CTC1: variants seen among roughly 807,000 people sequenced by gnomAD.
CTC1 encodes CST telomere replication complex component 1, also known as CST complex subunit CTC1.
A neutral mutation model predicts 136.3 loss-of-function variants in CTC1; 91 were observed. That is an observed-to-expected ratio of 0.67 (90% confidence interval 0.56 to 0.79). CTC1 has a LOEUF of 0.79. Ranked by LOEUF, CTC1 falls within the 30% of genes least tolerant of loss-of-function variation. The pLI is 0.00. For synonymous variants in CTC1, 606 were observed against 613.8 expected, an observed-to-expected ratio of 0.99 and a Z score of 0.19; for missense variants, 1,432 against 1,498.1, an observed-to-expected ratio of 0.96 and a Z score of 0.73.
rs778249594 is a variant in CTC1, at chr17:8,228,573, G to A, written c.3444C>T (p.Ser1148=). 1.2e-6 allele frequency: 2 copies of A among 1,614,054 alleles called. No individual in the cohort carries two copies. Among genetic ancestry groups the A allele is most frequent in the Non-Finnish European group, 8.5e-7 (1 of 1,180,018 alleles). The change falls in exon 22 of 23, where the codon AGC becomes AGT. Residue 1148 remains serine (S), a synonymous_variant. Transcript: ENST00000651323. ...MTMFLWTLCT[S]PSVLRPIVLS... ...GCACAATAGGACGGAGGACAGAGGGGCTAGTACAAAGTGTCCAGAGGAACA... is the reference window on the plus strand; with the variant it reads ...GCACAATAGGACGGAGGACAGAGGGACTAGTACAAAGTGTCCAGAGGAACA...
Position 8,234,839 on chromosome 17 carries a change from A to AG in CTC1, c.1526dup (p.Thr510TyrfsTer18). ...CTGGCGGAGCTAGAAGATCCAGGGT[A>AG]GGAGCCAGGAGTTGCAGTCCCAGGC... is the stretch of plus-strand genomic sequence containing the variant. On this transcript the variant is annotated frameshift_variant, in exon 9 of 23. Transcript: ENST00000651323. LOFTEE classifies it high-confidence loss of function. 1 of 1,613,482 alleles carries AG rather than the reference A, an allele frequency of 6.2e-7. No individual in the cohort carries two copies. Among genetic ancestry groups the AG allele is most frequent in the Non-Finnish European group, 8.5e-7 (1 of 1,179,706 alleles).
At chr17:8,231,566 T>C (rs1987228991) in intron 14 of CTC1, 97 bp from the exon 15 acceptor site, 3 of 1,309,654 alleles carry the variant, frequency 2.3e-6, no homozygotes, top group Admixed American at 4.1e-5. Context: ...TTCTGGAGCA[T>C]GGAGAAGGAA....
At chr17:8,229,560 G>GT in intron 18 of CTC1, 114 bp from the exon 19 acceptor site, 1 of 866,708 alleles carries the variant, frequency 1.2e-6, no homozygotes, top group Non-Finnish European at 1.8e-6. Context: ...GGGGACAGCA[G>GT]TGGGTTCCAT....
At chr17:8,244,501 A>C (rs1011099629) in intron 1 of CTC1, among the ~76,000 whole-genome samples, 3 of 151,598 alleles carry the variant, frequency 2.0e-5, no homozygotes, top group Admixed American at 1.3e-4. Context: ...CTCATATATT[A>C]ACATCCTGGT....
At position 8,229,160 on chromosome 17, in the gene CTC1, A is replaced by T. The variant is rs1986990482; in HGVS notation, c.3203T>A (p.Ile1068Lys). ...LGSTCPTQTA[I>K]SQAIIRLLVE... ...CTCTCACCTGATGATGGCCTGGCTT[A>T]TAGCTGTCTGCGTAGGGCAAGTGGA... Residue 1068 changes from isoleucine (I) to lysine (K), a missense_variant, in exon 20 of 23, where the codon ATA becomes AAA. Physicochemically the swap from Ile to Lys is moderately radical, Grantham distance 102 (BLOSUM62 -3). Coordinates refer to ENST00000651323, the MANE Select transcript of CTC1 (RefSeq NM_025099.6). 3 of 1,614,046 alleles carry T rather than the reference A, an allele frequency of 1.9e-6. No homozygotes were observed. The highest frequency in any genetic ancestry group is 2.5e-6 in the Non-Finnish European group (3 of 1,180,038).
At position 8,236,151 on chromosome 17, in the gene CTC1, C is replaced by A; in HGVS notation, c.984G>T (p.Glu328Asp). The A allele has an allele frequency of 6.2e-7, 1 of 1,614,216 alleles. No individual in the cohort carries two copies. Among genetic ancestry groups the A allele is most frequent in the Non-Finnish European group, 8.5e-7 (1 of 1,180,040 alleles). Reference protein sequence around the residue: ...LELELEGPLLEADPKPLPMPS... With the variant: ...LELELEGPLLDADPKPLPMPS... ...GCATGGGGAGTGGCTTGGGGTCAGC[C>A]TCTAAGAGGGGTCCTTCCAGCTCCA... The change falls in exon 6 of 23, where the codon GAG (glutamate) becomes GAT (aspartate). Residue 328 changes from glutamate to aspartate, a missense_variant. By Grantham distance (45) the Glu-to-Asp change is conservative (BLOSUM62 2). Coordinates refer to ENST00000651323, the MANE Select transcript of CTC1 (RefSeq NM_025099.6).
At chr17:8,229,583 G>T in intron 18 of CTC1, 137 bp from the exon 19 acceptor site, 3 of 727,142 alleles carry the variant, frequency 4.1e-6, no homozygotes, top group African/African-American at 1.8e-5. Flanking sequence ...GCTCCTAGAA[G>T]CCCCATTTTA....
rs1444969509 is a variant in CTC1 at position 8,236,305 on chromosome 17, G to A, written c.830C>T (p.Pro277Leu). The change falls in exon 6 of 23, where the codon CCT becomes CTT. Residue 277 changes from proline (P) to leucine (L), a missense_variant. Physicochemically the swap from Pro to Leu is moderately conservative, Grantham distance 98. Coordinates refer to ENST00000651323, the MANE Select transcript of CTC1 (RefSeq NM_025099.6). The stretch of plus-strand genomic sequence containing the variant: ...TTCTGTCAGCACATAGGCTGTACCA[G>A]GCCGAAGGGCTCTGTGCCACACCAG... Reference protein sequence around the residue: ...AQLVWHRALRPGTAYVLTELR... With the variant: ...AQLVWHRALRLGTAYVLTELR... 1 of 1,611,326 alleles carries A rather than the reference G, an allele frequency of 6.2e-7. No homozygotes were observed. The highest frequency in any genetic ancestry group is 8.5e-7 in the Non-Finnish European group (1 of 1,180,020).
rs1280084503 is a variant in CTC1 at position 8,236,313 on chromosome 17, G to C, written c.822C>G (p.Ala274=). 6.2e-7 allele frequency: 1 copy of C among 1,610,146 alleles called. No homozygotes were observed. Among genetic ancestry groups the C allele is most frequent in the Non-Finnish European group, 8.5e-7 (1 of 1,179,982 alleles). The change falls in exon 6 of 23, where the codon GCC becomes GCG. Residue 274 remains alanine (A), a synonymous_variant. Coordinates refer to ENST00000651323, the MANE Select transcript of CTC1 (RefSeq NM_025099.6). ...GCACATAGGCTGTACCAGGCCGAAG[G>C]GCTCTGTGCCACACCAGCTGGGCAG... ...QVPAQLVWHR[A]LRPGTAYVLT...
At chr17:8,235,742 A>G (rs1331043436) in intron 7 of CTC1, 89 bp downstream of exon 7, 18 of 1,400,194 alleles carry the variant, frequency 1.3e-5, no homozygotes, top group South Asian at 1.5e-5. Flanking sequence ...CTATATTTCT[A>G]TATAACCACC....
Position 8,226,160 on chromosome 17 carries a change from A to G in CTC1, c.*2020T>C, listed in dbSNP as rs878901998. On this transcript the variant is annotated 3_prime_UTR_variant, in exon 23 of 23. Coordinates refer to ENST00000651323, the MANE Select transcript of CTC1 (RefSeq NM_025099.6). Reference sequence around the variant, plus strand: ...CTATGAGTGCAGAACAGAAACTCTTACGCGTTCTGATATAAAAACAATACA... The same window carrying G: ...CTATGAGTGCAGAACAGAAACTCTTGCGCGTTCTGATATAAAAACAATACA... 5 of 152,294 alleles carry G rather than the reference A, an allele frequency of 3.3e-5. No individual in the cohort carries two copies. In the South Asian group the frequency reaches 1.0e-3, roughly 32 times the overall value. The allele number at this position is 152,294 out of a possible 1,614,324, so 9.4% of individuals were successfully genotyped here.
chr17:8,228,709 C>T lies in CTC1; in HGVS notation c.3387+18G>A. On this transcript the variant is annotated intron_variant, in intron 21 of 22. Coordinates refer to ENST00000651323, the MANE Select transcript of CTC1 (RefSeq NM_025099.6). ...GGAATTTGGGTATCCGAGTCCCTCC[C>T]TCCCAGCCACATTACACCTCAAGTT... 1 of 1,614,098 alleles carries T rather than the reference C, an allele frequency of 6.2e-7. No individual in the cohort carries two copies. Among genetic ancestry groups the T allele is most frequent in the Non-Finnish European group, 8.5e-7 (1 of 1,179,970 alleles).
At chr17:8,236,523 C>T (rs1013552211) in intron 5 of CTC1, among the ~76,000 whole-genome samples, 181 bp from the exon 6 acceptor site, 20 of 152,196 alleles carry the variant, frequency 1.3e-4, no homozygotes, top group Non-Finnish European at 2.8e-4. Context: ...ACAGGAGATG[C>T]CAAATATTTC....
In CTC1 at chr17:8,230,607, CG is replaced by C. The variant is rs781315440; in HGVS notation, c.2713del (p.Arg905GlyfsTer13). ...LVSFSAEILS[R>X]TLCEPLVASL... Reference sequence around the variant, plus strand: ...CGCCACAAGGGGTTCACATAGTGTCCGTGACAAAATCTCAGCGGAGAAAGAC... The same window carrying C: ...CGCCACAAGGGGTTCACATAGTGTCCTGACAAAATCTCAGCGGAGAAAGAC... On this transcript the variant is annotated frameshift_variant, in exon 16 of 23. Transcript: ENST00000651323. LOFTEE classifies it high-confidence loss of function. 6.2e-7 allele frequency: 1 copy of C among 1,614,022 alleles called. No individual in the cohort carries two copies. Among genetic ancestry groups the C allele is most frequent in the Non-Finnish European group, 8.5e-7 (1 of 1,180,006 alleles).
chr17:8,230,080 T>C (rs1471379018), intron 17 of CTC1, 112 bp from the exon 18 acceptor site: 1 of 1,094,256 alleles, frequency 9.1e-7, no homozygotes, highest in South Asian at 1.4e-5. Flanking sequence ...GAGGGACATA[T>C]CCTAGCCATG....
Position 8,231,424 on chromosome 17 carries a change from G to A in CTC1, c.2521C>T (p.Arg841Cys), listed in dbSNP as rs747249710. 3.7e-6 allele frequency: 6 copies of A among 1,613,164 alleles called. No individual in the cohort carries two copies. The highest frequency in any genetic ancestry group is 5.1e-6 in the Non-Finnish European group (6 of 1,179,566). Residue 841 changes from arginine to cysteine, a missense_variant, in exon 15 of 23, where the codon CGT (arginine) becomes TGT (cysteine). Physicochemically the swap from Arg to Cys is radical, Grantham distance 180. Transcript: ENST00000651323. ...GCACAGCCAGCCAACTCCAGAGGAC[G>A]CCGAGATATGCAGGATGAACCATCC... ...EKDGSSCISR[R>C]PLELAGCASC...
Position 8,229,874 on chromosome 17 carries a change from G to A in CTC1, c.3011+17C>T, listed in dbSNP as rs1283929021. On this transcript the variant is annotated intron_variant, in intron 18 of 22. Transcript: ENST00000651323. ...TGTGAAGCCAGGAAGTTTAGGGGTT[G>A]GGGTCTGGGCACTGACCTGATGGTG... 1.2e-6 allele frequency: 2 copies of A among 1,609,546 alleles called. No individual in the cohort carries two copies. Among genetic ancestry groups the A allele is most frequent in the Admixed American group, 3.3e-5 (2 of 59,998 alleles).
intron 2 of CTC1, among the ~76,000 whole-genome samples, chr17:8,239,322 C>T (rs1988022251): frequency 6.6e-6 from 1 of 151,956 alleles, no homozygotes; most frequent in South Asian, 2.1e-4. Context: ...CTTAATGGGA[C>T]CACGTAGGCA....
rs1320809462 is a variant in CTC1, at chr17:8,234,859, C to T, written c.1507G>A (p.Gly503Arg). ...AGGGTAGGAGCCAGGAGTTGCAGTC[C>T]CAGGCTGGGGCTCCCAGGAGAGGAA... is the stretch of plus-strand genomic sequence containing the variant. ...QHSSPGSPSL[G>R]LQLLAPTLDL... Residue 503 changes from glycine (G) to arginine (R), a missense_variant, in exon 9 of 23, where the codon GGA (glycine) becomes AGA (arginine). By Grantham distance (125) the Gly-to-Arg change is moderately radical. Coordinates refer to ENST00000651323, the MANE Select transcript of CTC1 (RefSeq NM_025099.6). 6.2e-7 allele frequency: 1 copy of T among 1,613,200 alleles called. No individual in the cohort carries two copies. Among genetic ancestry groups the T allele is most frequent in the Non-Finnish European group, 8.5e-7 (1 of 1,179,572 alleles).
Sources: gnomAD v4.1 joint callset for allele counts (sites outside exome capture counted in the v4.1 genomes callset) on GRCh38, gnomAD v4.1.1 for gene constraint, MANE v1.5 for transcripts, NCBI Gene and HGNC (gene_info 2026-07-23, HGNC 2026-07-21) for gene names.